Variants in ANTXRL observed in about 807,000 individuals in gnomAD.
ANTXRL encodes anthrax toxin receptor-like.
ANTXRL carries 63 observed loss-of-function variants against 75.4 expected under a neutral mutation model. The observed-to-expected ratio is 0.84, with a 90% CI of 0.68 to 1.03. The LOEUF is 1.03. ANTXRL is among the 50% of genes least tolerant of loss of function. The pLI, the probability that ANTXRL is intolerant of heterozygous loss-of-function variation, is 0.00. For missense variants in ANTXRL, 797 were observed against 789.4 expected, an observed-to-expected ratio of 1.01 and a Z score of -0.12; for synonymous variants, 335 against 291.3, an observed-to-expected ratio of 1.15 and a Z score of -1.53.
chr10:46,304,759 C>G (rs538479123), intron 10 of ANTXRL, among the ~76,000 whole-genome samples: 12 of 152,278 alleles, frequency 7.9e-5, no homozygotes, highest in Admixed American at 1.3e-4. Context: ...GCCATACAGT[C>G]CATGTTGCAG....
chr10:46,288,805 C>T (rs1348518464), intron 1 of ANTXRL, among the ~76,000 whole-genome samples: 1 of 152,122 alleles, frequency 6.6e-6, no homozygotes, highest in Non-Finnish European at 1.5e-5. Flanking sequence ...CTGCAGAGGC[C>T]CTGATGTAAT....
At chr10:46,310,383 G>GTC in intron 13 of ANTXRL, 78 bp from the exon 14 acceptor site, 1 of 1,368,814 alleles carries the variant, frequency 7.3e-7, no homozygotes, top group East Asian at 2.5e-5. Context: ...CCAGGCCAGG[G>GTC]TCCCAGCTGT....
chr10:46,305,744 C>T (rs12221132), intron 10 of ANTXRL, among the ~76,000 whole-genome samples: 44,431 of 151,454 alleles, frequency 0.29, 6,136 homozygotes, highest in African/African-American at 0.39. Flanking sequence ...CACACTCCCA[C>T]AAAAATGAGT....
intron 10 of ANTXRL, among the ~76,000 whole-genome samples, chr10:46,304,043 C>A (rs1837917746): frequency 6.6e-6 from 1 of 152,156 alleles, no homozygotes; most frequent in South Asian, 2.1e-4. Flanking sequence ...CTGTCATCCC[C>A]ACATTCCCAC....
intron 13 of ANTXRL, among the ~76,000 whole-genome samples, chr10:46,309,503 C>T (rs1838295719): frequency 6.6e-6 from 1 of 152,194 alleles, no homozygotes; most frequent in Admixed American, 6.5e-5. Context: ...CCCCTGAAAC[C>T]AGGGCTGCCT....
At chr10:46,291,078 T>A (rs139459348) in intron 1 of ANTXRL, among the ~76,000 whole-genome samples, 16 of 152,316 alleles carry the variant, frequency 1.1e-4, no homozygotes, top group Non-Finnish European at 2.2e-4. Flanking sequence ...TACATTTAGG[T>A]CTTTGACCCA....
Position 46,297,401 on chromosome 10 carries a change from C to T in ANTXRL, c.586-5C>T, listed in dbSNP as rs1253435662. The T allele has an allele frequency of 3.9e-6, 6 of 1,536,034 alleles. No individual in the cohort carries two copies. In the East Asian group the frequency reaches 1.2e-4, roughly 31 times the overall value. ...GACCAATATGCAATGCCTTCTTTCC[C>T]TTAGGCTCAAAAGGCTCGGAAACTG... On this transcript the variant is annotated splice_polypyrimidine_tract_variant and splice_region_variant and intron_variant, in intron 6 of 16. Coordinates refer to ENST00000620264, the MANE Select transcript of ANTXRL (RefSeq NM_001278688.3).
chr10:46,329,704 G>A lies in ANTXRL; in HGVS notation c.1516G>A (p.Ala506Thr), dbSNP rs1554967155. The A allele has an allele frequency of 6.5e-7, 1 of 1,534,550 alleles. No homozygotes were observed. The change falls in exon 17 of 17, where the codon GCT becomes ACT. Residue 506 changes from alanine (A) to threonine (T), a missense_variant. Physicochemically the swap from Ala to Thr is moderately conservative, Grantham distance 58 (BLOSUM62 0). Transcript: ENST00000620264. ...HSQECLSLPQ[A>T]PCSPRMCLRH... is the part of the protein sequence containing the mutation. ...CCAGGAGTGCCTTTCCCTACCACAG[G>A]CTCCCTGCAGCCCAAGGATGTGCCT...
chr10:46,288,915 G>A (rs1268567603), intron 1 of ANTXRL, among the ~76,000 whole-genome samples: 1 of 152,176 alleles, frequency 6.6e-6, no homozygotes, highest in Admixed American at 6.5e-5. Flanking sequence ...TAACAAGGCT[G>A]GGGGTAAAGG....
At chr10:46,305,934 C>T (rs1554961761) in intron 10 of ANTXRL, among the ~76,000 whole-genome samples, 1 of 152,182 alleles carries the variant, frequency 6.6e-6, no homozygotes, top group Non-Finnish European at 1.5e-5. Context: ...ACATCCATCC[C>T]ACCAGCAAGT....
chr10:46,307,689 T>C (rs1838175283), intron 12 of ANTXRL, among the ~76,000 whole-genome samples: 1 of 152,100 alleles, frequency 6.6e-6, no homozygotes, highest in Admixed American at 6.5e-5. Context: ...CCAGCACCTC[T>C]AGGCCAGGAC....
chr10:46,312,612 C>A (rs557288313), intron 15 of ANTXRL, among the ~76,000 whole-genome samples: 1 of 144,948 alleles, frequency 6.9e-6, no homozygotes, highest in East Asian at 2.0e-4. Context: ...GAGTGTGGGG[C>A]ACATGTCTCC....
Position 46,292,117 on chromosome 10 carries a change from C to T in ANTXRL, c.308C>T (p.Ala103Val), listed in dbSNP as rs529342540. 57 of 1,536,174 alleles carry T rather than the reference C, an allele frequency of 3.7e-5. No individual in the cohort carries two copies. The highest frequency in any genetic ancestry group is 2.5e-4 in the South Asian group (21 of 84,044). Residue 103 changes from alanine to valine, a missense_variant, in exon 2 of 17, where the codon GCG becomes GTG. This residue lies in a region of ANTXRL where 262 missense variants were observed against 271.9 expected (regional missense o/e 0.96). Transcript: ENST00000620264. The part of the protein sequence containing the change: ...DLYMWVEETV[A>V]RFQSPNIRMC... ...TATATGTGGGTGGAGGAAACAGTGG[C>T]GAGGTTCCAAAGGTACAGATCTCTG... is the stretch of plus-strand genomic sequence containing the variant.
chr10:46,329,837 C>G lies in ANTXRL; in HGVS notation c.1649C>G (p.Pro550Arg), dbSNP rs1554967247. The G allele has an allele frequency of 1.3e-6, 2 of 1,535,072 alleles. No individual in the cohort carries two copies. Among genetic ancestry groups the G allele is most frequent in the Non-Finnish European group, 1.7e-6 (2 of 1,146,274 alleles). ...SRECLARKQA[P>R]CSPRICLRHS... The stretch of plus-strand genomic sequence containing the variant: ...GAGTGCCTTGCCCGCAAACAGGCTC[C>G]CTGCAGCCCAAGGATCTGCCTGAGA... The change falls in exon 17 of 17, where the codon CCC becomes CGC. Residue 550 changes from proline (P) to arginine (R), a missense_variant. Coordinates refer to ENST00000620264, the MANE Select transcript of ANTXRL (RefSeq NM_001278688.3).
In ANTXRL at chr10:46,329,579, C is replaced by G; in HGVS notation, c.1411-20C>G. The G allele has an allele frequency of 6.5e-7, 1 of 1,530,038 alleles. No individual in the cohort carries two copies. The highest frequency in any genetic ancestry group is 8.8e-7 in the Non-Finnish European group (1 of 1,142,258). The allele number at this position is 1,530,038 out of a possible 1,614,324, so 94.8% of individuals were successfully genotyped here. On this transcript the variant is annotated intron_variant, in intron 16 of 16. Transcript: ENST00000620264. ...TCGAATGCCATCACGGTGACCTTCT[C>G]TCTCTTCTCTTCCCTACAGGGGAGG...
rs550548106 is a variant in ANTXRL at position 46,298,142 on chromosome 10, T to C, written c.796+80T>C. On this transcript the variant is annotated intron_variant, in intron 9 of 16. Transcript: ENST00000620264. ...CGTGTATGGAGTGTGTGCATTTGTT[T>C]GGTATGTGTGGGGGAGGATGTGTGT... 6.3e-4 allele frequency: 703 copies of C among 1,120,266 alleles called. 6 individuals are homozygous for C. The African/African-American group carries it at 9.4e-3, about 15-fold the overall frequency. 69.4% of individuals were successfully genotyped at this position (1,120,266 alleles called of 1,614,324 possible).
At chr10:46,306,928 C>T (rs1255358825) in intron 11 of ANTXRL, 56 bp downstream of exon 11, 3 of 1,406,572 alleles carry the variant, frequency 2.1e-6, no homozygotes, top group South Asian at 1.4e-5. Flanking sequence ...CAGGGTTGGG[C>T]ACCTTGAGGT....
At chr10:46,310,896 C>T (rs1838381871) in intron 14 of ANTXRL, among the ~76,000 whole-genome samples, 1 of 152,074 alleles carries the variant, frequency 6.6e-6, no homozygotes, top group African/African-American at 2.4e-5. Flanking sequence ...CTCCATTTGG[C>T]CTCTCTGGAT....
At chr10:46,322,897 T>C (rs1554965854) in intron 16 of ANTXRL, among the ~76,000 whole-genome samples, 1 of 152,204 alleles carries the variant, frequency 6.6e-6, no homozygotes, top group East Asian at 1.9e-4. Context: ...ATAAATACCT[T>C]CTAGAGCATT....
Sources: allele counts gnomAD v4.1 joint callset (sites outside exome capture counted in the v4.1 genomes callset), GRCh38; gene constraint gnomAD v4.1.1; regional missense constraint gnomAD v4.1.1; transcripts MANE v1.5; gene names NCBI Gene and HGNC (gene_info 2026-07-23, HGNC 2026-07-21).